FOXK1: variants seen among roughly 807,000 people sequenced by gnomAD.
FOXK1 encodes the protein forkhead box protein K1.
FOXK1 carries 19 observed loss-of-function variants against 51.9 expected under a neutral mutation model. The ratio of observed to expected loss-of-function variants is 0.37; its 90% CI spans 0.26 to 0.54. The LOEUF (loss-of-function observed/expected upper bound fraction) is 0.54. Among genes scored for constraint, FOXK1 ranks in the 20% least tolerant of loss-of-function variants. FOXK1 has a pLI of 0.87. For synonymous variants in FOXK1, 537 were observed against 482.6 expected (o/e 1.11, Z -1.48); for missense variants, 870 against 1,032.7 (o/e 0.84, Z 2.16).
chr7:4,694,390 C>T (rs75181015), intron 1 of FOXK1, among the ~76,000 whole-genome samples: 1 of 152,178 alleles, frequency 6.6e-6, no homozygotes, highest in Non-Finnish European at 1.5e-5. Flanking sequence ...AAATTTCTCT[C>T]TCTTTCCCTT....
rs1780423788 is a variant in FOXK1, at chr7:4,729,541, G to A, written c.561-11297G>A. 6.6e-6 allele frequency among the ~76,000 whole-genome samples: 1 copy of A among 152,188 alleles called. No homozygotes were observed. Among genetic ancestry groups the A allele is most frequent in the South Asian group, 2.1e-4 (1 of 4,830 alleles). ...TGCTCAGGACTGCCGGGCCCCGGGA[G>A]CCCCACCCGGCAGGACACACACCTG... On this transcript the variant is annotated intron_variant, in intron 1 of 8. Transcript: ENST00000328914. The surrounding 1 kb of genome is among the most constrained non-coding windows in gnomAD (Gnocchi z 6.2).
intron 1 of FOXK1, among the ~76,000 whole-genome samples, chr7:4,719,511 T>C: frequency 6.6e-6 from 1 of 151,586 alleles, no homozygotes; most frequent in Non-Finnish European, 1.5e-5. Flanking sequence ...TGACAGAATC[T>C]CACTCCATCA....
At chr7:4,685,845 A>G (rs994853421) in intron 1 of FOXK1, among the ~76,000 whole-genome samples, 2 of 151,958 alleles carry the variant, frequency 1.3e-5, no homozygotes, top group Admixed American at 1.3e-4. Context: ...TGGGAGGCTG[A>G]GACAGAAGAA....
At chr7:4,713,127 A>G (rs1289532452) in intron 1 of FOXK1, among the ~76,000 whole-genome samples, 2 of 152,240 alleles carry the variant, frequency 1.3e-5, no homozygotes, top group African/African-American at 2.4e-5. Flanking sequence ...TGAAAAAAGA[A>G]TTCTTTTCCT....
chr7:4,694,517 T>C (rs982571138), intron 1 of FOXK1, among the ~76,000 whole-genome samples: 1 of 152,150 alleles, frequency 6.6e-6, no homozygotes, highest in African/African-American at 2.4e-5. Context: ...GTCCTTACTG[T>C]TTTTCCAGAC....
rs59200954 is a variant in FOXK1, at chr7:4,757,634, CAAAAAAA to C, written c.1244+471_1244+477del. On this transcript the variant is annotated intron_variant, in intron 5 of 8. Coordinates refer to ENST00000328914, the MANE Select transcript of FOXK1 (RefSeq NM_001037165.2). The stretch of plus-strand genomic sequence containing the variant: ...GGGCGACAAGAGCAAAACTCCGTCT[CAAAAAAA>C]AAAAAAAAAAAAAAAAAAAAAAAGT... Among the ~76,000 whole-genome samples the C allele has an allele frequency of 4.0e-3, 81 of 20,200 alleles. No individual in the cohort carries two copies. The East Asian group carries it at 0.043, about 11-fold the overall frequency. 13.3% of individuals were successfully genotyped at this position (20,200 alleles called of 152,430 possible). A position where few individuals can be genotyped will look rare whatever the true frequency, so the allele number is the denominator to read the frequency against.
In FOXK1 at chr7:4,731,585, C is replaced by T. The variant is rs920049019; in HGVS notation, c.561-9253C>T. Among the ~76,000 whole-genome samples, 18 of 152,022 alleles carry T rather than the reference C, an allele frequency of 1.2e-4. No homozygotes were observed. The highest frequency in any genetic ancestry group is 2.5e-4 in the Non-Finnish European group (17 of 67,996). On this transcript the variant is annotated intron_variant, in intron 1 of 8. Coordinates refer to ENST00000328914, the MANE Select transcript of FOXK1 (RefSeq NM_001037165.2). This position sits in a 1 kb window ranked among gnomAD's most constrained non-coding sequence, Gnocchi z 5.3. Reference sequence around the variant, plus strand: ...GACCAGCCTGGCCAACATGGTGAAACCCCATCTCTACTAAAAATACAAAAA... The same window carrying T: ...GACCAGCCTGGCCAACATGGTGAAATCCCATCTCTACTAAAAATACAAAAA...
Position 4,682,743 on chromosome 7 carries a change from G to T in FOXK1, c.435G>T (p.Ser145=). The change falls in exon 1 of 9, where the codon TCG becomes TCT. Residue 145 remains serine (S), a synonymous_variant. Coordinates refer to ENST00000328914, the MANE Select transcript of FOXK1 (RefSeq NM_001037165.2). This position sits in a 1 kb window ranked among gnomAD's most constrained non-coding sequence, Gnocchi z 7.6. ...GCATGGGCCTGTCCAGCTTCATCTC[G>T]CGGCGCCACCTGCAGCTCAGCTTCC... ...DLSMGLSSFI[S]RRHLQLSFQE... The T allele has an allele frequency of 6.2e-7, 1 of 1,602,692 alleles. No individual in the cohort carries two copies. Among genetic ancestry groups the T allele is most frequent in the East Asian group, 2.2e-5 (1 of 44,616 alleles).
chr7:4,718,572 G>C (rs1780267871), intron 1 of FOXK1, among the ~76,000 whole-genome samples: 1 of 152,170 alleles, frequency 6.6e-6, no homozygotes, highest in African/African-American at 2.4e-5. Flanking sequence ...CCATGCTTAG[G>C]TTTTGAGCGG....
rs1266818481 is a variant in FOXK1 at position 4,682,659 on chromosome 7, C to T, written c.351C>T (p.Leu117=). ...ARLEGREFEF[L]MRQPSVTIGR... is the part of the protein sequence containing the mutation. The stretch of plus-strand genomic sequence containing the variant: ...TGGAGGGCCGCGAGTTCGAGTTCCT[C>T]ATGCGCCAGCCCAGCGTCACCATCG... The change falls in exon 1 of 9, where the codon CTC becomes CTT. Residue 117 remains leucine, a synonymous_variant. Coordinates refer to ENST00000328914, the MANE Select transcript of FOXK1 (RefSeq NM_001037165.2). This position sits in a 1 kb window ranked among gnomAD's most constrained non-coding sequence, Gnocchi z 7.6. The T allele has an allele frequency of 3.8e-6, 6 of 1,580,094 alleles. No individual in the cohort carries two copies. In the African/African-American group the frequency reaches 5.5e-5, roughly 14 times the overall value.
chr7:4,740,680 C>G (rs756285858), intron 1 of FOXK1, among the ~76,000 whole-genome samples, 158 bp from the exon 2 acceptor site: 2 of 152,102 alleles, frequency 1.3e-5, no homozygotes, highest in African/African-American at 2.4e-5. Context: ...GTCTCAGTTC[C>G]TAAGTGTCCT....
intron 1 of FOXK1, among the ~76,000 whole-genome samples, chr7:4,720,217 G>T (rs1780291383): frequency 6.6e-6 from 1 of 152,176 alleles, no homozygotes; most frequent in African/African-American, 2.4e-5. Context: ...CTCATCTTCA[G>T]TCTGTAGGTT....
At chr7:4,706,010 A>ATG (rs1780093438) in intron 1 of FOXK1, among the ~76,000 whole-genome samples, 1 of 110,190 alleles carries the variant, frequency 9.1e-6, no homozygotes, top group African/African-American at 5.8e-5. Flanking sequence ...ATACGTATAT[A>ATG]TACGTATATA....
chr7:4,725,914 A>G (rs1049489675), intron 1 of FOXK1, among the ~76,000 whole-genome samples: 2 of 152,108 alleles, frequency 1.3e-5, no homozygotes, highest in Admixed American at 6.6e-5. Flanking sequence ...GGGATTCCCC[A>G]TATTAGGAAG....
At position 4,711,924 on chromosome 7, in the gene FOXK1, G is replaced by T. The variant is rs1465434875; in HGVS notation, c.561-28914G>T. 6.6e-6 allele frequency among the ~76,000 whole-genome samples: 1 copy of T among 152,154 alleles called. No homozygotes were observed. Among genetic ancestry groups the T allele is most frequent in the Non-Finnish European group, 1.5e-5 (1 of 68,020 alleles). ...GACTATGACTCAAGGTTGAGATGGG[G>T]CAGGGACTCCGGGGGAGGGGCAGAG... On this transcript the variant is annotated intron_variant, in intron 1 of 8. Coordinates refer to ENST00000328914, the MANE Select transcript of FOXK1 (RefSeq NM_001037165.2). The surrounding 1 kb of genome is among the most constrained non-coding windows in gnomAD (Gnocchi z 6.3).
chr7:4,762,125 A>C lies in FOXK1; in HGVS notation c.1922-59A>C. ...GCTTAGCCCCTGTATAGGGGACTTG[A>C]AAAAAGCAGCTGGGTCCTAACCAGA... On this transcript the variant is annotated intron_variant, in intron 8 of 8. Transcript: ENST00000328914. This position sits in a 1 kb window ranked among gnomAD's most constrained non-coding sequence, Gnocchi z 5.7. 1 of 1,503,002 alleles carries C rather than the reference A, an allele frequency of 6.7e-7. No individual in the cohort carries two copies. The highest frequency in any genetic ancestry group is 8.9e-7 in the Non-Finnish European group (1 of 1,118,092). 93.1% of individuals were successfully genotyped at this position (1,503,002 alleles called of 1,614,324 possible). A position where few individuals can be genotyped will look rare whatever the true frequency, so the allele number is the denominator to read the frequency against.
In FOXK1 at chr7:4,743,964, C is replaced by T. The variant is rs1162943770; in HGVS notation, c.746+2941C>T. ...TGATCTTGGCTCAGTGCAAGCTCCACCTCCCTGGTTCAAGCAATTCCCCTG... is the reference window on the plus strand; with the variant it reads ...TGATCTTGGCTCAGTGCAAGCTCCATCTCCCTGGTTCAAGCAATTCCCCTG... On this transcript the variant is annotated intron_variant, in intron 2 of 8. Coordinates refer to ENST00000328914, the MANE Select transcript of FOXK1 (RefSeq NM_001037165.2). The surrounding 1 kb of genome is among the most constrained non-coding windows in gnomAD (Gnocchi z 5.3). Among the ~76,000 whole-genome samples, 1 of 151,702 alleles carries T rather than the reference C, an allele frequency of 6.6e-6. No homozygotes were observed. The highest frequency in any genetic ancestry group is 1.9e-4 in the East Asian group (1 of 5,154).
At chr7:4,754,969 A>G (rs531802431) in intron 3 of FOXK1, 63 of 564,542 alleles carry the variant, frequency 1.1e-4, no homozygotes, top group African/African-American at 1.1e-3. Context: ...TTTGTCCAAT[A>G]GCTGTTTTCA....
At position 4,748,335 on chromosome 7, in the gene FOXK1, T is replaced by C. The variant is rs1244449182; in HGVS notation, c.747-6124T>C. 1.3e-5 allele frequency among the ~76,000 whole-genome samples: 2 copies of C among 152,132 alleles called. No homozygotes were observed. Among genetic ancestry groups the C allele is most frequent in the Non-Finnish European group, 2.9e-5 (2 of 68,032 alleles). ...CTATATGGAAATTAAGGATTTAGCT[T>C]CCCCCCTCCCCATCCCAGTAAAGTT... On this transcript the variant is annotated intron_variant, in intron 2 of 8. Transcript: ENST00000328914. This position sits in a 1 kb window ranked among gnomAD's most constrained non-coding sequence, Gnocchi z 4.9.
Sources: allele counts gnomAD v4.1 joint callset (sites outside exome capture counted in the v4.1 genomes callset), GRCh38; gene constraint gnomAD v4.1.1; non-coding constraint Gnocchi (gnomAD v3.1); transcripts MANE v1.5; gene names NCBI Gene and HGNC (gene_info 2026-07-23, HGNC 2026-07-21).